The following MDFI variants were observed in gnomAD, a reference collection of about 807,000 sequenced individuals.
MDFI encodes inhibitor of MyoD family a.
Under a neutral mutation model 22.3 loss-of-function variants are expected in MDFI, and 16 were observed. The ratio of observed to expected loss-of-function variants is 0.72; its 90% CI spans 0.49 to 1.09. The LOEUF is 1.09. MDFI is among the 50% of genes least tolerant of loss of function. The pLI is 0.00. For missense variants in MDFI, 314 were observed against 326.1 expected (o/e 0.96, Z 0.29); for synonymous variants, 145 against 142.7 (o/e 1.02, Z -0.12).
intron 2 of MDFI, among the ~76,000 whole-genome samples, chr6:41,641,483 G>A (rs552998157): frequency 2.6e-5 from 4 of 152,304 alleles, no homozygotes; most frequent in South Asian, 2.1e-4. Flanking sequence ...CAGAAGATCC[G>A]GCAATGGCCC....
chr6:41,639,929 G>A (rs979245417), intron 2 of MDFI: 2 of 985,176 alleles, frequency 2.0e-6, no homozygotes, highest in African/African-American at 3.5e-5. Context: ...TGGTATGGAC[G>A]CCTAGTTGTG....
chr6:41,652,317 G>T (rs1768300079), intron 4 of MDFI, among the ~76,000 whole-genome samples: 1 of 152,222 alleles, frequency 6.6e-6, no homozygotes, highest in African/African-American at 2.4e-5. Flanking sequence ...GGAGAAGAGT[G>T]GGAGAAGAGA....
intron 2 of MDFI, chr6:41,639,508 A>T (rs1249358901): frequency 3.1e-5 from 31 of 984,888 alleles, no homozygotes; most frequent in Non-Finnish European, 2.8e-5. Context: ...ACGGTTTGTG[A>T]CTCCCTGAAG....
intron 2 of MDFI, chr6:41,639,997 C>A: frequency 1.1e-6 from 1 of 891,402 alleles, no homozygotes; most frequent in Non-Finnish European, 1.3e-6. Context: ...TGGCCAACAG[C>A]CAGCACATAG....
At chr6:41,650,293 G>A (rs1158707021) in intron 4 of MDFI, among the ~76,000 whole-genome samples, 1 of 152,210 alleles carries the variant, frequency 6.6e-6, no homozygotes, top group Non-Finnish European at 1.5e-5. Context: ...TGCAGTAGGA[G>A]GTCAGAGGAT....
chr6:41,650,066 G>A (rs945491499), intron 4 of MDFI: 12 of 537,392 alleles, frequency 2.2e-5, no homozygotes, highest in Admixed American at 3.5e-5. Flanking sequence ...AAGTACACCC[G>A]TTGGGTAAAG....
intron 2 of MDFI, among the ~76,000 whole-genome samples, chr6:41,643,973 C>A (rs1324102347): frequency 7.2e-5 from 11 of 152,188 alleles, no homozygotes; most frequent in Admixed American, 7.2e-4. Context: ...AGGGCCATAG[C>A]AAGGTGCCTC....
chr6:41,643,686 AAAG>A (rs1216162573), intron 2 of MDFI, among the ~76,000 whole-genome samples: 1 of 150,212 alleles, frequency 6.7e-6, no homozygotes, highest in Non-Finnish European at 1.5e-5. Flanking sequence ...GGGAGGAAGG[AAAG>A]AAGAGAGGAA....
At chr6:41,639,115 C>T (rs1767751080) in intron 2 of MDFI, 1 of 563,218 alleles carries the variant, frequency 1.8e-6, no homozygotes, top group South Asian at 7.7e-5. Context: ...CACACATACA[C>T]TCCGCGGTGT....
intron 4 of MDFI, 48 bp downstream of exon 4, chr6:41,649,891 T>G: frequency 1.3e-6 from 2 of 1,547,504 alleles, no homozygotes; most frequent in Non-Finnish European, 8.8e-7. Context: ...CAAAGCCGGG[T>G]TCCTCGAAGC....
At chr6:41,649,921 G>A (rs1477724010) in intron 4 of MDFI, 78 bp downstream of exon 4, 1 of 1,215,022 alleles carries the variant, frequency 8.2e-7, no homozygotes, top group East Asian at 2.4e-5. Context: ...GGGCCCACTG[G>A]AGCACCTTCA....
At chr6:41,641,422 G>A (rs537292592) in intron 2 of MDFI, among the ~76,000 whole-genome samples, 26 of 152,336 alleles carry the variant, frequency 1.7e-4, no homozygotes, top group African/African-American at 6.3e-4. Context: ...GAGAGTGGGA[G>A]GGGTAGGATC....
In MDFI at chr6:41,653,663, A is replaced by G; in HGVS notation, c.*88A>G. On this transcript the variant is annotated 3_prime_UTR_variant, in exon 5 of 5. Coordinates refer to ENST00000230321, the MANE Select transcript of MDFI (RefSeq NM_005586.4). This position sits in a 1 kb window ranked among gnomAD's most constrained non-coding sequence, Gnocchi z 4.2. The stretch of plus-strand genomic sequence containing the variant: ...GGGGCCAGGCCCAGGACTGTCACAC[A>G]AGGCTTGAGAAGCCCCCTCTCCCTG... The G allele has an allele frequency of 6.6e-7, 1 of 1,509,084 alleles. No homozygotes were observed. The highest frequency in any genetic ancestry group is 2.3e-5 in the East Asian group (1 of 44,048). The allele number at this position is 1,509,084 out of a possible 1,614,324, so 93.5% of individuals were successfully genotyped here.
chr6:41,647,296 C>T (rs1233289964), intron 3 of MDFI, among the ~76,000 whole-genome samples: 2 of 152,212 alleles, frequency 1.3e-5, no homozygotes, highest in Non-Finnish European at 2.9e-5. Context: ...GTGACTCAGC[C>T]CCCACGGCCA....
intron 2 of MDFI, chr6:41,639,807 C>CT: frequency 3.0e-6 from 3 of 985,478 alleles, no homozygotes; most frequent in Non-Finnish European, 3.6e-6. Context: ...CACGAACTCC[C>CT]TGCCTTGCCT....
At chr6:41,643,892 T>C (rs1426764561) in intron 2 of MDFI, among the ~76,000 whole-genome samples, 2 of 152,192 alleles carry the variant, frequency 1.3e-5, no homozygotes, top group Non-Finnish European at 2.9e-5. Context: ...GCTTGGATCT[T>C]CTGCTTCTCA....
chr6:41,638,882 C>A lies in MDFI; in HGVS notation c.76+57C>A. 1 of 1,490,258 alleles carries A rather than the reference C, an allele frequency of 6.7e-7. No individual in the cohort carries two copies. Among genetic ancestry groups the A allele is most frequent in the African/African-American group, 1.4e-5 (1 of 71,162 alleles). The allele number at this position is 1,490,258 out of a possible 1,614,324, so 92.3% of individuals were successfully genotyped here. A position where few individuals can be genotyped will look rare whatever the true frequency, so the allele number is the denominator to read the frequency against. ...AGGGGCGGGTGGGCGGCTGAAGGGG[C>A]CAGTTATTAGTTCTCCTCTCCGTCC... is the stretch of plus-strand genomic sequence containing the variant. On this transcript the variant is annotated intron_variant, in intron 2 of 4. Transcript: ENST00000230321. This position sits in a 1 kb window ranked among gnomAD's most constrained non-coding sequence, Gnocchi z 7.6.
rs1411035070 is a variant in MDFI at position 41,638,785 on chromosome 6, C to T, written c.36C>T (p.Cys12=). The change falls in exon 2 of 5, where the codon TGC becomes TGT. Residue 12 remains cysteine (C), a synonymous_variant. Transcript: ENST00000230321. This position sits in a 1 kb window ranked among gnomAD's most constrained non-coding sequence, Gnocchi z 7.6. ...YQVSGQRPSG[C]DAPYGAPSAA... The stretch of plus-strand genomic sequence containing the variant: ...TGAGCGGCCAGCGCCCCTCTGGCTG[C>T]GACGCGCCCTATGGAGCCCCCAGCG... The T allele has an allele frequency of 1.3e-6, 2 of 1,570,688 alleles. No individual in the cohort carries two copies. Among genetic ancestry groups the T allele is most frequent in the East Asian group, 2.3e-5 (1 of 43,318 alleles).
intron 4 of MDFI, among the ~76,000 whole-genome samples, chr6:41,652,893 C>CA (rs1350188978): frequency 6.6e-6 from 1 of 152,188 alleles, no homozygotes; most frequent in Non-Finnish European, 1.5e-5. Context: ...GCTGGGATTA[C>CA]AGGCATGAGC....
Sources: allele counts gnomAD v4.1 joint callset (sites outside exome capture counted in the v4.1 genomes callset), GRCh38; gene constraint gnomAD v4.1.1; non-coding constraint Gnocchi (gnomAD v3.1); transcripts MANE v1.5; gene names NCBI Gene and HGNC (gene_info 2026-07-23, HGNC 2026-07-21).